The following STX17 variants were observed in gnomAD, a reference collection of about 807,000 sequenced individuals.
The protein encoded by STX17 is syntaxin 17, also known as syntaxin-17.
STX17 carries 29 observed loss-of-function variants against 35.9 expected under a neutral mutation model. That is an observed-to-expected ratio of 0.81 (90% confidence interval 0.60 to 1.10). The LOEUF (loss-of-function observed/expected upper bound fraction) is 1.10. Ranked by LOEUF, STX17 falls within the 50% of genes least tolerant of loss-of-function variation. The probability of loss-of-function intolerance (pLI) is 0.00; values close to 1 mark genes in which losing one functional copy is unlikely to be tolerated. For missense variants in STX17, 312 were observed against 352.3 expected, an observed-to-expected ratio of 0.89 and a Z score of 0.92; for synonymous variants, 92 against 118.3, an observed-to-expected ratio of 0.78 and a Z score of 1.44.
At chr9:99,943,312 G>GT (rs1165750672) in intron 3 of STX17, among the ~76,000 whole-genome samples, 1 of 147,270 alleles carries the variant, frequency 6.8e-6, no homozygotes, top group Non-Finnish European at 1.5e-5. Context: ...TTTTGTTTCT[G>GT]TTTTTGTTTT....
intron 4 of STX17, among the ~76,000 whole-genome samples, chr9:99,955,033 A>G (rs1218509823): frequency 1.3e-5 from 2 of 151,932 alleles, no homozygotes; most frequent in East Asian, 3.9e-4. Flanking sequence ...TTTTTAGCAT[A>G]TTGCTTTCCA....
In STX17 at chr9:99,971,307, A is replaced by G. The variant is rs1830011261; in HGVS notation, c.*2634A>G. ...TAAGGACTTTTTTTTTTTTTTTAAC[A>G]TAATCTGAGAATTTCTCTGTAGAGC... On this transcript the variant is annotated 3_prime_UTR_variant, in exon 8 of 8. Coordinates refer to ENST00000259400, the MANE Select transcript of STX17 (RefSeq NM_017919.3). Among the ~76,000 whole-genome samples the G allele has an allele frequency of 6.7e-6, 1 of 148,840 alleles. No individual in the cohort carries two copies. The highest frequency in any genetic ancestry group is 2.5e-5 in the African/African-American group (1 of 40,646).
At chr9:99,930,562 C>T (rs1382579062) in intron 3 of STX17, among the ~76,000 whole-genome samples, 10 of 152,172 alleles carry the variant, frequency 6.6e-5, no homozygotes, top group African/African-American at 1.9e-4. Flanking sequence ...CCACTGCACC[C>T]GGCTTTTCCA....
At chr9:99,967,463 G>GT in intron 6 of STX17, 190 bp from the exon 7 acceptor site, 2 of 344,288 alleles carry the variant, frequency 5.8e-6, no homozygotes, top group East Asian at 4.2e-5. Context: ...TAATAATTAA[G>GT]ACCCCCCCCT....
chr9:99,943,368 C>T (rs149196533), intron 3 of STX17, among the ~76,000 whole-genome samples: 15 of 151,420 alleles, frequency 9.9e-5, no homozygotes, highest in East Asian at 7.8e-4. Context: ...AGTGCAGTGG[C>T]GCAATCTTGG....
Position 99,972,002 on chromosome 9 carries a change from AAAG to A in STX17, c.*3330_*3332del, listed in dbSNP as rs1358476787. 2.6e-5 allele frequency among the ~76,000 whole-genome samples: 4 copies of A among 152,230 alleles called. No individual in the cohort carries two copies. Among genetic ancestry groups the A allele is most frequent in the Non-Finnish European group, 5.9e-5 (4 of 68,028 alleles). On this transcript the variant is annotated 3_prime_UTR_variant, in exon 8 of 8. Coordinates refer to ENST00000259400, the MANE Select transcript of STX17 (RefSeq NM_017919.3). Reference sequence around the variant, plus strand: ...CCCTCTCTCAAAAAAATATTTAAAAAAAGGTGGGTCATCCATTCTCCTTTACCA... The same window carrying A: ...CCCTCTCTCAAAAAAATATTTAAAAAGTGGGTCATCCATTCTCCTTTACCA...
chr9:99,950,703 C>T (rs543427872), intron 3 of STX17, among the ~76,000 whole-genome samples: 96 of 151,624 alleles, frequency 6.3e-4, no homozygotes, highest in African/African-American at 2.1e-3. Context: ...GTGCATGAGC[C>T]GTGAGAAATG....
intron 4 of STX17, among the ~76,000 whole-genome samples, chr9:99,952,209 A>T (rs1233507335): frequency 1.3e-5 from 2 of 152,196 alleles, no homozygotes; most frequent in Admixed American, 1.3e-4. Context: ...TGTTACAAAA[A>T]GTGGGCGAAG....
In STX17 at chr9:99,970,096, C is replaced by T. The variant is rs1829993968; in HGVS notation, c.*1423C>T. The T allele has an allele frequency of 6.6e-6, 1 of 152,266 alleles. No homozygotes were observed. Among genetic ancestry groups the T allele is most frequent in the South Asian group, 2.1e-4 (1 of 4,828 alleles). The allele number at this position is 152,266 out of a possible 1,614,324, so 9.4% of individuals were successfully genotyped here. On this transcript the variant is annotated 3_prime_UTR_variant, in exon 8 of 8. Transcript: ENST00000259400. ...CTTACTTAACGCTTTTTTCTGAGCA[C>T]AGGGATGGGCACCTGCACCCCAGAA...
Position 99,951,042 on chromosome 9 carries a change from G to A in STX17, c.190-18G>A, listed in dbSNP as rs754718562. The A allele has an allele frequency of 8.2e-6, 13 of 1,583,364 alleles. No individual in the cohort carries two copies. The East Asian group carries it at 2.9e-4, about 36-fold the overall frequency. ...TATACTAAGAAATGGTGGCATTAAT[G>A]ATTTTTTTCTTTTATAGCAACTCCG... is the stretch of plus-strand genomic sequence containing the variant. On this transcript the variant is annotated intron_variant, in intron 3 of 7. Coordinates refer to ENST00000259400, the MANE Select transcript of STX17 (RefSeq NM_017919.3).
intron 3 of STX17, among the ~76,000 whole-genome samples, chr9:99,930,113 A>G (rs955545999): frequency 2.6e-5 from 4 of 151,158 alleles, no homozygotes; most frequent in East Asian, 1.9e-4. Context: ...GGGTTTCACC[A>G]TATTGGCCAG....
chr9:99,910,599 GATAC>G (rs1473185029), intron 1 of STX17, among the ~76,000 whole-genome samples: 1 of 151,862 alleles, frequency 6.6e-6, no homozygotes, highest in Non-Finnish European at 1.5e-5. Flanking sequence ...GTGATGTTTT[GATAC>G]ATACATACAA....
chr9:99,916,548 G>T (rs1828780202), intron 2 of STX17, among the ~76,000 whole-genome samples: 1 of 151,972 alleles, frequency 6.6e-6, no homozygotes, highest in East Asian at 1.9e-4. Context: ...GTAGCATATA[G>T]AAGTCAGAAA....
At chr9:99,966,412 G>A (rs1005724276) in intron 6 of STX17, among the ~76,000 whole-genome samples, 6 of 152,208 alleles carry the variant, frequency 3.9e-5, no homozygotes, top group African/African-American at 1.4e-4. Flanking sequence ...AAAAGTAGCT[G>A]TGTGGTTTGG....
chr9:99,914,038 C>T (rs972790257), intron 1 of STX17: 11 of 148,630 alleles, frequency 7.4e-5, no homozygotes, highest in African/African-American at 2.7e-4. Flanking sequence ...CTCCTGGGCT[C>T]AAGTGGTCCT....
chr9:99,912,784 T>C (rs1358622710), intron 1 of STX17, among the ~76,000 whole-genome samples: 1 of 152,222 alleles, frequency 6.6e-6, no homozygotes, highest in Admixed American at 6.5e-5. Flanking sequence ...CTATTCAAAA[T>C]AAATGTTTTA....
At chr9:99,957,129 T>A (rs1447003281) in intron 4 of STX17, among the ~76,000 whole-genome samples, 1 of 152,222 alleles carries the variant, frequency 6.6e-6, no homozygotes. Context: ...ACTGCTGATT[T>A]ACATAGCTAT....
chr9:99,919,174 G>A (rs953154983), intron 2 of STX17, among the ~76,000 whole-genome samples: 1 of 152,114 alleles, frequency 6.6e-6, no homozygotes, highest in Non-Finnish European at 1.5e-5. Flanking sequence ...GGGATCTGGT[G>A]GACTACCCGT....
At chr9:99,948,446 G>A (rs1035271981) in intron 3 of STX17, among the ~76,000 whole-genome samples, 4 of 151,866 alleles carry the variant, frequency 2.6e-5, no homozygotes, top group Admixed American at 2.6e-4. Context: ...GTTTGTGTTG[G>A]ATGGTGTTTG....
Sources: allele counts gnomAD v4.1 joint callset (sites outside exome capture counted in the v4.1 genomes callset), GRCh38; gene constraint gnomAD v4.1.1; transcripts MANE v1.5; gene names NCBI Gene and HGNC (gene_info 2026-07-23, HGNC 2026-07-21).